Variants in FOXN3 observed in about 807,000 individuals in gnomAD.
FOXN3 encodes forkhead box protein N3.
Under a neutral mutation model 38.4 loss-of-function variants are expected in FOXN3, and 7 were observed. The ratio of observed to expected loss-of-function variants is 0.18; its 90% CI spans 0.10 to 0.34. FOXN3 has a LOEUF of 0.34. Ranked by LOEUF, FOXN3 falls within the 10% of genes least tolerant of loss-of-function variation. The pLI is 1.00. For synonymous variants in FOXN3, 230 were observed against 242.2 expected (o/e 0.95, Z 0.47); for missense variants, 456 against 613.4 (o/e 0.74, Z 2.71).
At chr14:89,555,243 A>G (rs891267325) in intron 1 of FOXN3, among the ~76,000 whole-genome samples, 3 of 152,206 alleles carry the variant, frequency 2.0e-5, no homozygotes, top group African/African-American at 7.2e-5. Context: ...GTACATCTGT[A>G]GGATAAATAT....
chr14:89,193,491 G>A (rs1029586300), intron 4 of FOXN3, among the ~76,000 whole-genome samples: 9 of 152,184 alleles, frequency 5.9e-5, no homozygotes, highest in South Asian at 2.1e-4. Context: ...ACACTTGTGG[G>A]GGTGCTTTGG....
intron 3 of FOXN3, among the ~76,000 whole-genome samples, chr14:89,284,792 C>T (rs561772038): frequency 6.6e-6 from 1 of 152,250 alleles, no homozygotes; most frequent in African/African-American, 2.4e-5. Flanking sequence ...AGGTGGAGTG[C>T]GACCTGGCAT....
At chr14:89,542,490 G>T (rs957735965) in intron 1 of FOXN3, among the ~76,000 whole-genome samples, 3 of 152,172 alleles carry the variant, frequency 2.0e-5, no homozygotes, top group African/African-American at 7.2e-5. Context: ...AATTAATAAA[G>T]TTCAGCATGA....
intron 4 of FOXN3, among the ~76,000 whole-genome samples, chr14:89,217,936 T>C (rs1391024254): frequency 6.6e-6 from 1 of 152,270 alleles, no homozygotes; most frequent in Non-Finnish European, 1.5e-5. Flanking sequence ...ACCGAACATC[T>C]GTATTCTATT....
chr14:89,314,040 T>G (rs1268518276), intron 3 of FOXN3, among the ~76,000 whole-genome samples: 2 of 152,168 alleles, frequency 1.3e-5, no homozygotes, highest in Admixed American at 1.3e-4. Context: ...AGAGATTGGT[T>G]GCACAACAGT....
intron 1 of FOXN3, among the ~76,000 whole-genome samples, chr14:89,608,703 C>G (rs1896329503): frequency 6.6e-6 from 1 of 152,170 alleles, no homozygotes; most frequent in South Asian, 2.1e-4. Context: ...AACAGAAGAG[C>G]AAGGTTGACA....
intron 3 of FOXN3, among the ~76,000 whole-genome samples, chr14:89,323,287 C>CAAA (rs60059606): frequency 5.3e-5 from 4 of 75,986 alleles, no homozygotes; most frequent in Non-Finnish European, 5.6e-5. Flanking sequence ...GACTCCATCT[C>CAAA]AAAAAAAAAA....
chr14:89,274,273 G>C (rs1021112746), intron 4 of FOXN3, among the ~76,000 whole-genome samples: 6 of 152,218 alleles, frequency 3.9e-5, no homozygotes, highest in African/African-American at 1.4e-4. Context: ...CAGTGACACT[G>C]AAAATGGAAA....
intron 2 of FOXN3, among the ~76,000 whole-genome samples, chr14:89,393,230 C>T (rs961866440): frequency 6.6e-6 from 1 of 152,152 alleles, no homozygotes; most frequent in Non-Finnish European, 1.5e-5. Context: ...CATGAGCCAC[C>T]CCACCTGGCC....
chr14:89,460,500 G>A lies in FOXN3; in HGVS notation c.-14-48010C>T, dbSNP rs553687175. Among the ~76,000 whole-genome samples the A allele has an allele frequency of 1.9e-4, 29 of 152,274 alleles. No homozygotes were observed. In the East Asian group the frequency reaches 5.0e-3, roughly 26 times the overall value. ...ACAGTGAGCGGGCTTCATTTGTCCC[G>A]CTTCTTGTTCCTCTCACTCTGCCGG... is the stretch of plus-strand genomic sequence containing the variant. On this transcript the variant is annotated intron_variant, in intron 1 of 6. Coordinates refer to the FOXN3 transcript ENST00000345097.
At chr14:89,210,045 G>A (rs761840049) in intron 4 of FOXN3, among the ~76,000 whole-genome samples, 3 of 152,182 alleles carry the variant, frequency 2.0e-5, no homozygotes, top group Non-Finnish European at 4.4e-5. Context: ...CAAAATATGT[G>A]CCTACTTTTC....
At chr14:89,241,975 G>A (rs985119229) in intron 4 of FOXN3, among the ~76,000 whole-genome samples, 3 of 152,142 alleles carry the variant, frequency 2.0e-5, no homozygotes, top group Non-Finnish European at 4.4e-5. Flanking sequence ...AAGGCGTCAG[G>A]ACCAGGTAGG....
rs1435882792 is a variant in FOXN3 at position 89,157,293 on chromosome 14, AT to A, written c.*5120del. On this transcript the variant is annotated 3_prime_UTR_variant, in exon 6 of 6. Transcript: ENST00000557258. ...TTAAAAACTGTGTTTTCCTTCCTTAATTTTTGGTCAGTGAAGCTAGCACTTG... is the reference window on the plus strand; with the variant it reads ...TTAAAAACTGTGTTTTCCTTCCTTAATTTTGGTCAGTGAAGCTAGCACTTG... The A allele has an allele frequency of 6.6e-6, 1 of 152,590 alleles. No homozygotes were observed. The highest frequency in any genetic ancestry group is 1.5e-5 in the Non-Finnish European group (1 of 68,036). The allele number at this position is 152,590 out of a possible 1,614,324, so 9.5% of individuals were successfully genotyped here. A position where few individuals can be genotyped will look rare whatever the true frequency, so the allele number is the denominator to read the frequency against.
intron 1 of FOXN3, among the ~76,000 whole-genome samples, chr14:89,445,984 C>A (rs1892485079): frequency 1.3e-5 from 2 of 148,380 alleles, no homozygotes; most frequent in Admixed American, 7.0e-5. Context: ...CACCTGTAGT[C>A]CTAGCTACTT....
intron 5 of FOXN3, among the ~76,000 whole-genome samples, chr14:89,171,624 A>T (rs1887389695): frequency 6.6e-6 from 1 of 152,038 alleles, no homozygotes; most frequent in Admixed American, 6.6e-5. Flanking sequence ...TCACCACAGT[A>T]AAAAAAAGAA....
intron 2 of FOXN3, among the ~76,000 whole-genome samples, chr14:89,389,630 A>C (rs1890881180): frequency 6.6e-6 from 1 of 152,236 alleles, no homozygotes; most frequent in South Asian, 2.1e-4. Context: ...TATAAAGACA[A>C]AGACGGAAAA....
chr14:89,537,324 GA>G (rs11327596), intron 1 of FOXN3, among the ~76,000 whole-genome samples: 122,084 of 151,826 alleles, frequency 0.8, 49,302 homozygotes, highest in Middle Eastern at 0.85. Flanking sequence ...GAATTCCATG[GA>G]ATGACTGATG....
upstream of FOXN3, among the ~76,000 whole-genome samples, chr14:89,421,645 G>A (rs1407315420): frequency 6.6e-6 from 1 of 150,916 alleles, no homozygotes; most frequent in Non-Finnish European, 1.5e-5. Context: ...TCCTGCCTCA[G>A]CCTCCCGAGT....
In FOXN3 at chr14:89,363,959, T is replaced by TAA. The variant is rs1283203102; in HGVS notation, c.544-13152_544-13151insTT. ...ACCCTGTCTGTAAAATATATATATATATATATATATATATATATATATATA... is the reference window on the plus strand; with the variant it reads ...ACCCTGTCTGTAAAATATATATATATAAATATATATATATATATATATATATA... On this transcript the variant is annotated intron_variant, in intron 2 of 5. Coordinates refer to ENST00000557258, the MANE Select transcript of FOXN3 (RefSeq NM_005197.4). Among the ~76,000 whole-genome samples the TAA allele has an allele frequency of 6.5e-4, 7 of 10,690 alleles. 1 individual carries two copies. Among genetic ancestry groups the TAA allele is most frequent in the African/African-American group, 1.5e-3 (7 of 4,804 alleles). The allele number at this position is 10,690 out of a possible 152,430, so 7.0% of individuals were successfully genotyped here. A position where few individuals can be genotyped will look rare whatever the true frequency, so the allele number is the denominator to read the frequency against.
Sources: gnomAD v4.1 joint callset for allele counts (sites outside exome capture counted in the v4.1 genomes callset) on GRCh38, gnomAD v4.1.1 for gene constraint, MANE v1.5 for transcripts, NCBI Gene and HGNC (gene_info 2026-07-23, HGNC 2026-07-21) for gene names.